The following NAT10 variants were observed in gnomAD, a reference collection of about 807,000 sequenced individuals.
The protein encoded by NAT10 is RNA cytidine acetyltransferase.
Under a neutral mutation model 132.2 loss-of-function variants are expected in NAT10, and 109 were observed. That is an observed-to-expected ratio of 0.82 (90% confidence interval 0.71 to 0.97). The LOEUF is 0.97. Ranked by LOEUF, NAT10 falls within the 50% of genes least tolerant of loss-of-function variation. NAT10 has a pLI of 0.00. For missense variants in NAT10, 1,184 were observed against 1,263.4 expected (o/e 0.94, Z 0.95); for synonymous variants, 479 against 478.0 (o/e 1.00, Z -0.03).
rs758571107 is a variant in NAT10, at chr11:34,118,513, G to A, written c.780+10G>A. On this transcript the variant is annotated intron_variant, in intron 8 of 28. Coordinates refer to ENST00000257829, the MANE Select transcript of NAT10 (RefSeq NM_024662.3). ...TAAGACTCTAGACCAGGTGAGTGTGGTGCTCAGCACTTCCAACACAAAGGT... is the reference window on the plus strand; with the variant it reads ...TAAGACTCTAGACCAGGTGAGTGTGATGCTCAGCACTTCCAACACAAAGGT... The A allele has an allele frequency of 1.4e-5, 22 of 1,606,098 alleles. 1 individual carries two copies. In the South Asian group the frequency reaches 2.3e-4, roughly 17 times the overall value.
At chr11:34,131,672 C>CA in intron 14 of NAT10, 141 bp downstream of exon 14, 1 of 830,776 alleles carries the variant, frequency 1.2e-6, no homozygotes, top group Non-Finnish European at 1.7e-6. Flanking sequence ...TTTTTCTCTT[C>CA]CTTTTTTTTT....
At chr11:34,144,490 A>G (rs548251722) in intron 28 of NAT10, among the ~76,000 whole-genome samples, 2 of 152,348 alleles carry the variant, frequency 1.3e-5, no homozygotes, top group South Asian at 2.1e-4. Context: ...CTTCACTGAC[A>G]CTATTTTGCT....
chr11:34,134,640 G>A (rs1852176369), intron 18 of NAT10, 54 bp downstream of exon 18: 2 of 1,564,024 alleles, frequency 1.3e-6, no homozygotes, highest in Admixed American at 1.7e-5. Flanking sequence ...GCTTTAGGGT[G>A]GGGGTACTTG....
At chr11:34,137,741 G>A (rs909581738) in intron 21 of NAT10, among the ~76,000 whole-genome samples, 10 of 152,342 alleles carry the variant, frequency 6.6e-5, no homozygotes, top group South Asian at 4.1e-4. Context: ...GGACCCTAAC[G>A]TTTAGAGGAA....
At chr11:34,119,570 A>G (rs1851850691) in intron 8 of NAT10, among the ~76,000 whole-genome samples, 1 of 152,238 alleles carries the variant, frequency 6.6e-6, no homozygotes, top group African/African-American at 2.4e-5. Flanking sequence ...TTATAAGAAA[A>G]CAAATGGCCT....
At chr11:34,137,149 T>A (rs867875819) in intron 21 of NAT10, 123 bp downstream of exon 21, 4 of 1,014,536 alleles carry the variant, frequency 3.9e-6, no homozygotes, top group Non-Finnish European at 6.1e-6. Flanking sequence ...GCTGTGCCTC[T>A]GAAGAGGTTT....
intron 6 of NAT10, among the ~76,000 whole-genome samples, chr11:34,117,647 A>G (rs1181742039): frequency 1.3e-5 from 2 of 152,192 alleles, no homozygotes; most frequent in South Asian, 4.1e-4. Flanking sequence ...CAGTGGGAGG[A>G]TGTTTGAATT....
chr11:34,129,358 C>G, intron 12 of NAT10, among the ~76,000 whole-genome samples: 1 of 152,162 alleles, frequency 6.6e-6, no homozygotes, highest in Non-Finnish European at 1.5e-5. Flanking sequence ...TTATAATTCT[C>G]ATTTGCATTT....
Position 34,133,075 on chromosome 11 carries a change from T to TCTTCTGC in NAT10, c.1677_1683dup (p.Pro562SerfsTer23). The TCTTCTGC allele has an allele frequency of 1.2e-6, 2 of 1,614,174 alleles. No individual in the cohort carries two copies. Among genetic ancestry groups the TCTTCTGC allele is most frequent in the Non-Finnish European group, 1.7e-6 (2 of 1,180,020 alleles). On this transcript the variant is annotated frameshift_variant, in exon 16 of 29. Transcript: ENST00000257829. LOFTEE classifies it high-confidence loss of function. ...CTCTCCGATGCACCTGCTCACCATC[T>TCTTCTGC]CTTCTGCCTTCTGCCTCCCGTGCCC...
intron 23 of NAT10, 58 bp downstream of exon 23, chr11:34,139,553 G>A: frequency 1.4e-6 from 2 of 1,467,988 alleles, no homozygotes; most frequent in Admixed American, 1.7e-5. Flanking sequence ...GTGGGAGGTG[G>A]GTGTGGTGTC....
intron 21 of NAT10, among the ~76,000 whole-genome samples, chr11:34,137,346 T>G (rs763256800): frequency 6.6e-6 from 1 of 152,182 alleles, no homozygotes; most frequent in Non-Finnish European, 1.5e-5. Context: ...GAGTTTTGGC[T>G]TGAGAAACTG....
rs942792155 is a variant in NAT10 at position 34,136,889 on chromosome 11, C to A, written c.2163-89C>A. On this transcript the variant is annotated intron_variant, in intron 20 of 28. Coordinates refer to ENST00000257829, the MANE Select transcript of NAT10 (RefSeq NM_024662.3). Reference sequence around the variant, plus strand: ...ATCGGTGCTAGCCTGCTATTTGTGGCGTGCTCTTCCTGGCTCTTGCCCTTG... The same window carrying A: ...ATCGGTGCTAGCCTGCTATTTGTGGAGTGCTCTTCCTGGCTCTTGCCCTTG... 5.6e-6 allele frequency: 9 copies of A among 1,608,006 alleles called. No individual in the cohort carries two copies. In the South Asian group the frequency reaches 9.9e-5, roughly 18 times the overall value.
Position 34,131,496 on chromosome 11 carries a change from A to C in NAT10, c.1485A>C (p.Ile495=). ...LCLDCLNITR[I]VSGCPLPEAC... The stretch of plus-strand genomic sequence containing the variant: ...TGGATTGCCTCAACATCACTCGGAT[A>C]GTCTCAGGCTGCCCCTTGCCTGAAG... The change falls in exon 14 of 29, where the codon ATA becomes ATC. Residue 495 remains isoleucine (I), a synonymous_variant. Coordinates refer to ENST00000257829, the MANE Select transcript of NAT10 (RefSeq NM_024662.3). The C allele has an allele frequency of 6.2e-7, 1 of 1,614,052 alleles. No individual in the cohort carries two copies. Among genetic ancestry groups the C allele is most frequent in the East Asian group, 2.2e-5 (1 of 44,876 alleles).
intron 7 of NAT10, 41 bp downstream of exon 7, chr11:34,118,335 G>C (rs746224199): frequency 1.6e-5 from 25 of 1,611,214 alleles, no homozygotes; most frequent in Non-Finnish European, 2.1e-5. Context: ...GGGAGGCTAC[G>C]TTTTCTGTGT....
At chr11:34,138,922 A>G (rs1590781236) in intron 21 of NAT10, 1 of 424,406 alleles carries the variant, frequency 2.4e-6, no homozygotes. Flanking sequence ...AGGCAGGCCC[A>G]GAAGAGCCAG....
rs1197102358 is a variant in NAT10 at position 34,133,097 on chromosome 11, GC to G, written c.1695del (p.Thr566ProfsTer26). On this transcript the variant is annotated frameshift_variant, in exon 16 of 29. Transcript: ENST00000257829. LOFTEE classifies it high-confidence loss of function. ...HHLFCLLPPVPPTQNALPEVL... is the reference protein window; with the variant it reads ...HHLFCLLPPVXPTQNALPEVL... ...ATCTCTTCTGCCTTCTGCCTCCCGT[GC>G]CCCCCACCCAGAATGCCCTTCCAGA... 1 of 1,613,990 alleles carries G rather than the reference GC, an allele frequency of 6.2e-7. No homozygotes were observed.
chr11:34,108,327 A>G lies in NAT10; in HGVS notation c.102A>G (p.Lys34=), dbSNP rs1437086735. Residue 34 remains lysine, a synonymous_variant, in exon 2 of 29, where the codon AAA becomes AAG. Coordinates refer to ENST00000257829, the MANE Select transcript of NAT10 (RefSeq NM_024662.3). ...SLFVVVGDRG[K]DQVVILHHML... Reference sequence around the variant, plus strand: ...TTGTTGTAGTTGGGGATCGAGGAAAAGATCAGGTATGGCCTGGTAAATGCT... The same window carrying G: ...TTGTTGTAGTTGGGGATCGAGGAAAGGATCAGGTATGGCCTGGTAAATGCT... The G allele has an allele frequency of 6.2e-7, 1 of 1,612,782 alleles. No individual in the cohort carries two copies. The highest frequency in any genetic ancestry group is 1.3e-5 in the African/African-American group (1 of 74,890).
intron 24 of NAT10, among the ~76,000 whole-genome samples, chr11:34,140,815 A>C (rs1852313616): frequency 6.6e-6 from 1 of 151,850 alleles, no homozygotes; most frequent in African/African-American, 2.4e-5. Context: ...TTGACACTTA[A>C]CTCCACCTTA....
In NAT10 at chr11:34,108,310, G is replaced by T. The variant is rs1377837901; in HGVS notation, c.85G>T (p.Val29Phe). 1 of 1,614,108 alleles carries T rather than the reference G, an allele frequency of 6.2e-7. No homozygotes were observed. The highest frequency in any genetic ancestry group is 1.7e-5 in the Admixed American group (1 of 60,030). ...GCGGCAAAGATCTCTCTTTGTTGTA[G>T]TTGGGGATCGAGGAAAAGATCAGGT... ...AERQRSLFVVVGDRGKDQVVI... is the reference protein window; with the variant it reads ...AERQRSLFVVFGDRGKDQVVI... The change falls in exon 2 of 29, where the codon GTT becomes TTT. Residue 29 changes from valine to phenylalanine, a missense_variant. By Grantham distance (50) the Val-to-Phe change is conservative. Coordinates refer to ENST00000257829, the MANE Select transcript of NAT10 (RefSeq NM_024662.3).
Sources: allele counts gnomAD v4.1 joint callset (sites outside exome capture counted in the v4.1 genomes callset), GRCh38; gene constraint gnomAD v4.1.1; transcripts MANE v1.5; gene names NCBI Gene and HGNC (gene_info 2026-07-23, HGNC 2026-07-21).